ADAM10: variants seen among roughly 807,000 people sequenced by gnomAD.
The protein encoded by ADAM10 is ADAM metallopeptidase domain 10, also known as disintegrin and metalloproteinase domain-containing protein 10.
A neutral mutation model predicts 90.1 loss-of-function variants in ADAM10; 17 were observed. The observed-to-expected ratio is 0.19, with a 90% CI of 0.13 to 0.28. The LOEUF (loss-of-function observed/expected upper bound fraction) is 0.28, where lower values mean the gene tolerates loss of function less well. Among genes scored for constraint, ADAM10 ranks in the 10% least tolerant of loss-of-function variants. ADAM10 has a pLI of 1.00. For missense variants in ADAM10, 610 were observed against 914.3 expected (o/e 0.67, Z 4.29); for synonymous variants, 310 against 298.6 (o/e 1.04, Z -0.40).
chr15:58,618,808 T>C (rs1246127504), intron 11 of ADAM10, among the ~76,000 whole-genome samples: 17 of 152,072 alleles, frequency 1.1e-4, no homozygotes, highest in African/African-American at 4.1e-4. Context: ...CACAGTGAGA[T>C]ACACCCAGTA....
chr15:58,679,544 G>A (rs1453866804), intron 3 of ADAM10, among the ~76,000 whole-genome samples: 1 of 152,114 alleles, frequency 6.6e-6, no homozygotes, highest in Non-Finnish European at 1.5e-5. Context: ...TAGAGTATCT[G>A]CCTTGTTACC....
intron 9 of ADAM10, among the ~76,000 whole-genome samples, chr15:58,629,673 C>T (rs1296999072): frequency 4.6e-5 from 7 of 152,126 alleles, no homozygotes; most frequent in African/African-American, 1.7e-4. Flanking sequence ...TCATAATCTA[C>T]CATGCACTAT....
chr15:58,657,556 GT>G (rs1196479544), intron 5 of ADAM10, among the ~76,000 whole-genome samples: 3 of 152,114 alleles, frequency 2.0e-5, no homozygotes, highest in Admixed American at 6.6e-5. Flanking sequence ...TTATTTCAAT[GT>G]TTTTTAAATT....
At chr15:58,646,741 A>C (rs971792552) in intron 5 of ADAM10, among the ~76,000 whole-genome samples, 3 of 152,330 alleles carry the variant, frequency 2.0e-5, no homozygotes, top group Middle Eastern at 3.4e-3. Context: ...CCACCTCAAT[A>C]ATGTATTTCA....
At chr15:58,698,272 A>G (rs1401715946) in intron 2 of ADAM10, 1 of 451,228 alleles carries the variant, frequency 2.2e-6, no homozygotes, top group South Asian at 1.6e-5. Context: ...TACGAATGAG[A>G]AATTTACCAA....
intron 4 of ADAM10, among the ~76,000 whole-genome samples, chr15:58,667,852 G>A (rs1384248392): frequency 6.6e-6 from 1 of 151,790 alleles, no homozygotes; most frequent in East Asian, 1.9e-4. Flanking sequence ...ATGGGAGGCC[G>A]TTTCTCCCGG....
intron 14 of ADAM10, 52 bp from the exon 15 acceptor site, chr15:58,599,776 T>C (rs1290655721): frequency 7.7e-6 from 12 of 1,561,354 alleles, no homozygotes; most frequent in Non-Finnish European, 1.1e-5. Flanking sequence ...CAAAATATTT[T>C]AGAGTATCTT....
At chr15:58,648,143 CTA>C (rs1242110186) in intron 5 of ADAM10, among the ~76,000 whole-genome samples, 3 of 152,298 alleles carry the variant, frequency 2.0e-5, no homozygotes, top group Non-Finnish European at 2.9e-5. Context: ...TTTTGACTAT[CTA>C]TATGTGTCCC....
chr15:58,624,458 TATTA>T (rs1246770636), intron 10 of ADAM10, among the ~76,000 whole-genome samples: 3 of 152,244 alleles, frequency 2.0e-5, no homozygotes, highest in African/African-American at 7.2e-5. Flanking sequence ...ATTTACTACA[TATTA>T]ATTTTTATTT....
chr15:58,622,067 T>C (rs1895803045), intron 10 of ADAM10, among the ~76,000 whole-genome samples: 1 of 152,112 alleles, frequency 6.6e-6, no homozygotes, highest in Admixed American at 6.6e-5. Context: ...CATGTACCAA[T>C]CACTCATCTT....
intron 10 of ADAM10, among the ~76,000 whole-genome samples, chr15:58,622,322 G>A (rs1198100386): frequency 4.6e-5 from 7 of 152,126 alleles, no homozygotes; most frequent in Admixed American, 1.3e-4. Flanking sequence ...TTCCTCAAAT[G>A]TCTCTTTACA....
chr15:58,701,359 T>C (rs780623870), intron 2 of ADAM10, among the ~76,000 whole-genome samples: 10 of 152,050 alleles, frequency 6.6e-5, no homozygotes, highest in East Asian at 5.8e-4. Flanking sequence ...GAAAAAGACA[T>C]AGAAATGGCC....
At chr15:58,681,948 G>C (rs1319676083) in intron 3 of ADAM10, among the ~76,000 whole-genome samples, 3 of 152,054 alleles carry the variant, frequency 2.0e-5, no homozygotes, top group Non-Finnish European at 4.4e-5. Flanking sequence ...AACTCTAACA[G>C]TTTAGAGGTA....
intron 2 of ADAM10, among the ~76,000 whole-genome samples, chr15:58,698,095 A>C (rs1898025741): frequency 6.6e-6 from 1 of 152,172 alleles, no homozygotes; most frequent in African/African-American, 2.4e-5. Context: ...ATAAGGACCC[A>C]AGAAACATGA....
At chr15:58,601,299 T>C (rs573971583) in intron 14 of ADAM10, among the ~76,000 whole-genome samples, 30 of 151,954 alleles carry the variant, frequency 2.0e-4, no homozygotes, top group Admixed American at 1.6e-3. Context: ...CCGTCTCTAC[T>C]AAAAATACAA....
intron 5 of ADAM10, among the ~76,000 whole-genome samples, chr15:58,657,919 A>T (rs1344244069): frequency 6.7e-6 from 1 of 149,902 alleles, no homozygotes; most frequent in African/African-American, 2.5e-5. Flanking sequence ...GAGTTATAAC[A>T]GTTCTTTACT....
intron 2 of ADAM10, chr15:58,691,345 CA>C: frequency 1.9e-6 from 2 of 1,058,438 alleles, no homozygotes; most frequent in East Asian, 4.8e-5. Context: ...CAGTACTCAT[CA>C]ATGGGCTCAC....
intron 15 of ADAM10, 89 bp from the exon 16 acceptor site, chr15:58,597,730 TTTTAGTTCAGTGCTG>T: frequency 6.8e-7 from 1 of 1,474,478 alleles, no homozygotes; most frequent in Admixed American, 1.9e-5. Context: ...ATAAGAAAGG[TTTTAGTTCAGTGCTG>T]TCCAATAATA....
At chr15:58,688,909 A>C (rs1234343361) in intron 2 of ADAM10, among the ~76,000 whole-genome samples, 3 of 147,310 alleles carry the variant, frequency 2.0e-5, no homozygotes. Context: ...AAAGAGTTTA[A>C]AAAAAAAAAA....
Sources: allele counts gnomAD v4.1 joint callset (sites outside exome capture counted in the v4.1 genomes callset), GRCh38; gene constraint gnomAD v4.1.1; transcripts MANE v1.5; gene names NCBI Gene and HGNC (gene_info 2026-07-23, HGNC 2026-07-21).